The following CYLD variants were observed in gnomAD, a reference collection of about 807,000 sequenced individuals.
The protein encoded by CYLD is CYLD lysine 63 deubiquitinase, also known as ubiquitin carboxyl-terminal hydrolase CYLD.
CYLD carries 26 observed loss-of-function variants against 104.5 expected under a neutral mutation model. The ratio of observed to expected loss-of-function variants is 0.25; its 90% CI spans 0.18 to 0.35. The LOEUF (loss-of-function observed/expected upper bound fraction) is 0.35. Among genes scored for constraint, CYLD ranks in the 10% least tolerant of loss-of-function variants. The pLI is 1.00. For synonymous variants in CYLD, 385 were observed against 399.9 expected, an observed-to-expected ratio of 0.96 and a Z score of 0.45; for missense variants, 703 against 1,136.1, an observed-to-expected ratio of 0.62 and a Z score of 5.48.
At chr16:50,779,575 G>A (rs555620761) in intron 8 of CYLD, 90 bp from the exon 9 acceptor site, 10 of 1,333,638 alleles carry the variant, frequency 7.5e-6, no homozygotes, top group African/African-American at 7.2e-5. Context: ...CAGGTGGGCA[G>A]TTGGACTAGA....
intron 9 of CYLD, among the ~76,000 whole-genome samples, chr16:50,780,669 C>T (rs1970132836): frequency 6.6e-6 from 1 of 152,078 alleles, no homozygotes; most frequent in South Asian, 2.1e-4. Flanking sequence ...CAGACATGTA[C>T]CATCATGCTT....
intron 15 of CYLD, among the ~76,000 whole-genome samples, chr16:50,792,079 T>C (rs1165712723): frequency 6.6e-6 from 1 of 152,252 alleles, no homozygotes; most frequent in Non-Finnish European, 1.5e-5. Context: ...AATTCATTTA[T>C]ATTTGCTAAT....
At chr16:50,780,152 T>C in intron 9 of CYLD, 108 bp downstream of exon 9, 2 of 1,329,714 alleles carry the variant, frequency 1.5e-6, no homozygotes, top group Non-Finnish European at 2.1e-6. Context: ...TCAGAAAAGC[T>C]ATCACTGCAG....
At chr16:50,781,162 G>C in intron 9 of CYLD, 84 bp from the exon 10 acceptor site, 1 of 1,476,804 alleles carries the variant, frequency 6.8e-7, no homozygotes, top group African/African-American at 1.4e-5. Flanking sequence ...GGGTATACTA[G>C]AAACAGGTCT....
At chr16:50,747,345 A>C (rs1199683541) in intron 2 of CYLD, among the ~76,000 whole-genome samples, 1 of 152,374 alleles carries the variant, frequency 6.6e-6, no homozygotes, top group East Asian at 1.9e-4. Flanking sequence ...TGCATACAGC[A>C]GGAAACCACA....
chr16:50,791,753 A>C, intron 15 of CYLD, 63 bp downstream of exon 15: 1 of 1,551,514 alleles, frequency 6.4e-7, no homozygotes, highest in Non-Finnish European at 8.9e-7. Context: ...GACTATTGGT[A>C]GTTTCAGTAT....
chr16:50,801,455 G>A lies in CYLD; in HGVS notation c.*4947G>A, dbSNP rs567438576. The A allele has an allele frequency of 3.5e-4, 83 of 233,858 alleles. No homozygotes were observed. The highest frequency in any genetic ancestry group is 6.0e-4 in the Non-Finnish European group (71 of 118,066). 14.5% of individuals were successfully genotyped at this position (233,858 alleles called of 1,614,324 possible). A position where few individuals can be genotyped will look rare whatever the true frequency, so the allele number is the denominator to read the frequency against. On this transcript the variant is annotated 3_prime_UTR_variant, in exon 19 of 19. Coordinates refer to ENST00000427738, the MANE Select transcript of CYLD (RefSeq NM_001378743.1). ...TGTCCTTTCAAGCACCACAGCTTCA[G>A]ATAAAATTAGTACTTTCAAATATTG...
chr16:50,744,238 T>C (rs980416718), intron 2 of CYLD, among the ~76,000 whole-genome samples: 2 of 152,162 alleles, frequency 1.3e-5, no homozygotes, highest in African/African-American at 4.8e-5. Flanking sequence ...TTAGGGACTG[T>C]GTACTTGTGA....
At position 50,794,071 on chromosome 16, in the gene CYLD, G is replaced by A; in HGVS notation, c.2470-141G>A. 1 of 731,842 alleles carries A rather than the reference G, an allele frequency of 1.4e-6. No individual in the cohort carries two copies. The highest frequency in any genetic ancestry group is 2.1e-5 in the Admixed American group (1 of 48,202). The allele number at this position is 731,842 out of a possible 1,614,324, so 45.3% of individuals were successfully genotyped here. On this transcript the variant is annotated intron_variant, in intron 17 of 18. Coordinates refer to ENST00000427738, the MANE Select transcript of CYLD (RefSeq NM_001378743.1). This position sits in a 1 kb window ranked among gnomAD's most constrained non-coding sequence, Gnocchi z 4.1. ...GCCTCCCGAGTAGCTGGGACTGCAG[G>A]CGCCTGCCACCACGCCCAGCTAATT... is the stretch of plus-strand genomic sequence containing the variant.
intron 5 of CYLD, among the ~76,000 whole-genome samples, chr16:50,774,131 T>TG (rs1172666288): frequency 1.1e-4 from 16 of 152,264 alleles, no homozygotes; most frequent in Admixed American, 9.2e-4. Context: ...GTGGTATACA[T>TG]GTGAACATAC....
Position 50,796,980 on chromosome 16 carries a change from G to C in CYLD, c.*472G>C. 3.7e-6 allele frequency: 1 copy of C among 272,372 alleles called. No homozygotes were observed. 16.9% of individuals were successfully genotyped at this position (272,372 alleles called of 1,614,324 possible). ...GAGTCTACTCTCAATCCAGTTATTA[G>C]AGATGTACTGAGTTTGATTTGTTAA... On this transcript the variant is annotated 3_prime_UTR_variant, in exon 19 of 19. Coordinates refer to ENST00000427738, the MANE Select transcript of CYLD (RefSeq NM_001378743.1).
chr16:50,782,946 A>G (rs995999071), intron 11 of CYLD, among the ~76,000 whole-genome samples: 5 of 89,702 alleles, frequency 5.6e-5, no homozygotes, highest in Middle Eastern at 0.018. Flanking sequence ...TTTTTTTGAG[A>G]CAGAGTCTCA....
intron 13 of CYLD, 35 bp from the exon 14 acceptor site, chr16:50,787,751 C>A: frequency 8.3e-7 from 1 of 1,198,388 alleles, no homozygotes; most frequent in Non-Finnish European, 1.2e-6. Flanking sequence ...AAAAATTTTG[C>A]CTGTGACTTA....
intron 5 of CYLD, among the ~76,000 whole-genome samples, chr16:50,774,827 A>AGT (rs1305207593): frequency 1.3e-5 from 2 of 152,220 alleles, no homozygotes; most frequent in Non-Finnish European, 2.9e-5. Context: ...GGAAGGTAAA[A>AGT]GTGTGGATAA....
intron 5 of CYLD, among the ~76,000 whole-genome samples, chr16:50,759,110 G>A (rs930769170): frequency 5.3e-5 from 8 of 152,042 alleles, no homozygotes; most frequent in Non-Finnish European, 8.8e-5. Context: ...GCGTGGTGGC[G>A]GTCACCTGTA....
At chr16:50,769,705 A>G (rs1478074652) in intron 5 of CYLD, among the ~76,000 whole-genome samples, 4 of 152,198 alleles carry the variant, frequency 2.6e-5, no homozygotes, top group Non-Finnish European at 4.4e-5. Flanking sequence ...GCAACATCAC[A>G]ACCAGAATGT....
At chr16:50,763,007 T>C (rs1340147209) in intron 5 of CYLD, among the ~76,000 whole-genome samples, 1 of 152,222 alleles carries the variant, frequency 6.6e-6, no homozygotes, top group Non-Finnish European at 1.5e-5. Flanking sequence ...GCTGCACCCC[T>C]TAGTGATCAT....
intron 7 of CYLD, among the ~76,000 whole-genome samples, chr16:50,776,486 A>G (rs529699217): frequency 6.6e-6 from 1 of 152,216 alleles, no homozygotes; most frequent in African/African-American, 2.4e-5. Flanking sequence ...AGAGTTCCCC[A>G]TAGGGTCTTG....
At position 50,782,042 on chromosome 16, in the gene CYLD, G is replaced by A. The variant is rs558629948; in HGVS notation, c.1685-283G>A. Among the ~76,000 whole-genome samples the A allele has an allele frequency of 2.6e-5, 4 of 152,262 alleles. No individual in the cohort carries two copies. The South Asian group carries it at 8.3e-4, about 32-fold the overall frequency. On this transcript the variant is annotated intron_variant, in intron 10 of 18. Transcript: ENST00000427738. ...AAAGTGAAGCAACTTCAGATAAATA[G>A]TGAAATATTTGGGAAACATATTTTA...
Sources: allele counts gnomAD v4.1 joint callset (sites outside exome capture counted in the v4.1 genomes callset), GRCh38; gene constraint gnomAD v4.1.1; non-coding constraint Gnocchi (gnomAD v3.1); transcripts MANE v1.5; gene names NCBI Gene and HGNC (gene_info 2026-07-23, HGNC 2026-07-21).